The following CDS2 variants were observed in gnomAD, a reference collection of about 807,000 sequenced individuals.
CDS2 encodes the protein phosphatidate cytidylyltransferase 2.
CDS2 carries 47 observed loss-of-function variants against 59.0 expected under a neutral mutation model. That is an observed-to-expected ratio of 0.80 (90% confidence interval 0.63 to 1.02). The LOEUF (loss-of-function observed/expected upper bound fraction) is 1.02, where lower values mean the gene tolerates loss of function less well. Ranked by LOEUF, CDS2 falls within the 50% of genes least tolerant of loss-of-function variation. The pLI is 0.00. For synonymous variants in CDS2, 207 were observed against 206.4 expected (o/e 1.00, Z -0.02); for missense variants, 356 against 558.9 (o/e 0.64, Z 3.66).
chr20:5,133,687 A>G (rs1170469339), intron 1 of CDS2, among the ~76,000 whole-genome samples: 1 of 152,010 alleles, frequency 6.6e-6, no homozygotes, highest in Non-Finnish European at 1.5e-5. Context: ...CACCACGCCC[A>G]GCTAATTTTG....
intron 1 of CDS2, among the ~76,000 whole-genome samples, chr20:5,142,445 T>TAAA (rs11476644): frequency 0.013 from 1,832 of 146,022 alleles, 43 homozygotes; most frequent in African/African-American, 0.042. Context: ...AGACTCCATC[T>TAAA]AAAAAAAAAA....
chr20:5,173,438 A>G, intron 1 of CDS2, 85 bp from the exon 2 acceptor site: 1 of 1,499,334 alleles, frequency 6.7e-7, no homozygotes, highest in South Asian at 1.2e-5. Flanking sequence ...GTCTTTCCCC[A>G]CAGATCTCTC....
intron 6 of CDS2, 85 bp downstream of exon 6, chr20:5,182,530 T>G (rs1302991774): frequency 2.4e-6 from 3 of 1,252,996 alleles, no homozygotes; most frequent in African/African-American, 1.5e-5. Context: ...ATGCTTTCTG[T>G]GACAAATCAA....
chr20:5,179,417 C>T (rs542592058), intron 5 of CDS2, among the ~76,000 whole-genome samples: 14 of 152,350 alleles, frequency 9.2e-5, no homozygotes, highest in South Asian at 6.2e-4. Flanking sequence ...CCACCACGCC[C>T]GGCCTTGTAG....
At chr20:5,137,734 A>T (rs2090659367) in intron 1 of CDS2, among the ~76,000 whole-genome samples, 1 of 151,318 alleles carries the variant, frequency 6.6e-6, no homozygotes, top group African/African-American at 2.4e-5. Flanking sequence ...GGATCACTTG[A>T]GCCCAGGAGT....
intron 4 of CDS2, among the ~76,000 whole-genome samples, chr20:5,177,659 T>C (rs1014899781): frequency 1.3e-5 from 2 of 152,148 alleles, no homozygotes; most frequent in African/African-American, 4.8e-5. Context: ...GTTGAAGCCA[T>C]GACTTAGCCG....
chr20:5,141,991 T>C (rs1296835739), intron 1 of CDS2, among the ~76,000 whole-genome samples: 3 of 152,106 alleles, frequency 2.0e-5, no homozygotes, highest in African/African-American at 2.4e-5. Flanking sequence ...TGGGGAGTGA[T>C]AGAGATAGAT....
intron 12 of CDS2, 43 bp downstream of exon 12, chr20:5,189,881 G>A: frequency 6.6e-7 from 1 of 1,510,590 alleles, no homozygotes; most frequent in Non-Finnish European, 9.2e-7. Context: ...GGATTTTTAA[G>A]TACGGTGCAA....
intron 1 of CDS2, among the ~76,000 whole-genome samples, chr20:5,132,458 A>G (rs1020132686): frequency 3.3e-5 from 5 of 152,198 alleles, no homozygotes; most frequent in East Asian, 1.9e-4. Context: ...CTTTAACTGT[A>G]GAAGGACCAC....
rs142157879 is a variant in CDS2 at position 5,147,499 on chromosome 20, G to A, written c.57+20350G>A. Among the ~76,000 whole-genome samples, 138 of 152,272 alleles carry A rather than the reference G, an allele frequency of 9.1e-4. 1 individual carries two copies. Among genetic ancestry groups the A allele is most frequent in the East Asian group, 8.5e-3 (44 of 5,174 alleles). On this transcript the variant is annotated intron_variant, in intron 1 of 12. Transcript: ENST00000460006. The stretch of plus-strand genomic sequence containing the variant: ...GTCCTTTGGTGTGTGGTACATAAAC[G>A]TGTGGTAAATAGAGGGATTAATCTG...
intron 6 of CDS2, 115 bp downstream of exon 6, chr20:5,182,560 A>G (rs770463187): frequency 4.7e-6 from 4 of 854,072 alleles, no homozygotes; most frequent in Non-Finnish European, 7.4e-6. Context: ...ACATGGTCTG[A>G]TATGTATGCA....
In CDS2 at chr20:5,179,002, G is replaced by A. The variant is rs371927817; in HGVS notation, c.529+46G>A. ...CATTTCTTGTGTCTGTATTGTTTTT[G>A]TATGTCTGTCAGGTAGGAATTGGGG... On this transcript the variant is annotated intron_variant, in intron 5 of 12. Transcript: ENST00000460006. 4.0e-5 allele frequency: 64 copies of A among 1,584,698 alleles called. No homozygotes were observed. The African/African-American group carries it at 6.9e-4, about 17-fold the overall frequency.
chr20:5,175,409 A>G (rs561158826), intron 3 of CDS2, 130 bp downstream of exon 3: 60 of 702,238 alleles, frequency 8.5e-5, no homozygotes, highest in African/African-American at 7.4e-4. Context: ...AACCTCTGCC[A>G]TAGAACATCT....
At chr20:5,165,880 A>C (rs964178587) in intron 1 of CDS2, among the ~76,000 whole-genome samples, 1 of 152,160 alleles carries the variant, frequency 6.6e-6, no homozygotes, top group Non-Finnish European at 1.5e-5. Flanking sequence ...AAAAGTCCTA[A>C]AGGTAAGAAA....
intron 5 of CDS2, among the ~76,000 whole-genome samples, chr20:5,179,365 G>A (rs1600509803): frequency 1.3e-5 from 2 of 152,260 alleles, no homozygotes; most frequent in South Asian, 2.1e-4. Context: ...TAACTTATCC[G>A]CCTGCCTTGG....
chr20:5,141,964 C>CA (rs1353900639), intron 1 of CDS2, among the ~76,000 whole-genome samples: 1 of 152,042 alleles, frequency 6.6e-6, no homozygotes, highest in Non-Finnish European at 1.5e-5. Flanking sequence ...TCTCTGATTT[C>CA]AAAAAACATG....
intron 1 of CDS2, among the ~76,000 whole-genome samples, chr20:5,148,421 A>G (rs1411036928): frequency 2.6e-5 from 4 of 152,210 alleles, no homozygotes; most frequent in African/African-American, 4.8e-5. Flanking sequence ...TGGTGCAACA[A>G]TATGAAAGGA....
intron 1 of CDS2, among the ~76,000 whole-genome samples, chr20:5,142,324 G>T (rs1221728243): frequency 1.3e-5 from 2 of 152,098 alleles, no homozygotes; most frequent in Non-Finnish European, 2.9e-5. Context: ...GTGCATGCCT[G>T]TAATCCCAGC....
At chr20:5,153,336 G>A (rs1270278746) in intron 1 of CDS2, among the ~76,000 whole-genome samples, 1 of 152,136 alleles carries the variant, frequency 6.6e-6, no homozygotes, top group Non-Finnish European at 1.5e-5. Flanking sequence ...CATAAAGTAA[G>A]CACATCTCTG....
Sources: allele counts gnomAD v4.1 joint callset (sites outside exome capture counted in the v4.1 genomes callset), GRCh38; gene constraint gnomAD v4.1.1; transcripts MANE v1.5; gene names NCBI Gene and HGNC (gene_info 2026-07-23, HGNC 2026-07-21).